The following PPM1H variants were observed in gnomAD, a reference collection of about 807,000 sequenced individuals.
The protein encoded by PPM1H is protein phosphatase, Mg2+/Mn2+ dependent 1H.
PPM1H carries 27 observed loss-of-function variants against 54.9 expected under a neutral mutation model. That is an observed-to-expected ratio of 0.49 (90% CI 0.36 to 0.68). The LOEUF is 0.68. Ranked by LOEUF, PPM1H falls within the 30% of genes least tolerant of loss-of-function variation. The probability of loss-of-function intolerance (pLI) is 0.00; values close to 1 mark genes in which losing one functional copy is unlikely to be tolerated. For synonymous variants in PPM1H, 305 were observed against 270.8 expected (o/e 1.13, Z -1.24); for missense variants, 596 against 667.8 (o/e 0.89, Z 1.19).
In PPM1H at chr12:62,826,456, GA is replaced by G. The variant is rs1433774439; in HGVS notation, c.411+5657del. 3.9e-5 allele frequency among the ~76,000 whole-genome samples: 6 copies of G among 152,216 alleles called. No individual in the cohort carries two copies. The East Asian group carries it at 9.7e-4, about 25-fold the overall frequency. ...AGAGTGAGACTTCATCTCAAAAAAA[GA>G]AGTCATCTCGTTGCTACCCGGCTAC... On this transcript the variant is annotated intron_variant, in intron 2 of 9. Transcript: ENST00000228705.
chr12:62,731,766 C>T lies in PPM1H; in HGVS notation c.954+5736G>A, dbSNP rs139116270. On this transcript the variant is annotated intron_variant, in intron 5 of 9. Transcript: ENST00000228705. ...ATTTGAAGATATGATGACACCGGCA[C>T]GACTTAATGTAATCAAGTCAGAGTT... Among the ~76,000 whole-genome samples, 550 of 152,258 alleles carry T rather than the reference C, an allele frequency of 3.6e-3. 8 individuals are homozygous for T. The highest frequency in any genetic ancestry group is 0.017 in the East Asian group (87 of 5,168).
In PPM1H at chr12:62,934,637, C is replaced by T. The variant is rs776388056; in HGVS notation, c.100G>A (p.Asp34Asn). ...CCGTAGGGGAAACGCAGGGGCAGGT[C>T]CGAGCCTCCGCAGCTGCCGCCGCCG... ...EHGGGSCGGS[D>N]LPLRFPYGRP... Residue 34 changes from aspartate to asparagine, a missense_variant, in exon 1 of 10, where the codon GAC (aspartate) becomes AAC (asparagine). Physicochemically the swap from Asp to Asn is conservative, Grantham distance 23 (BLOSUM62 1). This residue lies in a region of PPM1H where 382 missense variants were observed against 387.1 expected (regional missense o/e 0.99). Coordinates refer to ENST00000228705, the MANE Select transcript of PPM1H (RefSeq NM_020700.2). The surrounding 1 kb of genome is among the most constrained non-coding windows in gnomAD (Gnocchi z 4.2). 4 of 1,592,840 alleles carry T rather than the reference C, an allele frequency of 2.5e-6. 1 individual carries two copies.
At chr12:62,739,130 T>G (rs1247993854) in intron 4 of PPM1H, among the ~76,000 whole-genome samples, 1 of 151,776 alleles carries the variant, frequency 6.6e-6, no homozygotes, top group African/African-American at 2.4e-5. Context: ...TTAGGGGAAC[T>G]GACTGTGAGA....
Position 62,737,505 on chromosome 12 carries a change from G to A in PPM1H, c.951C>T (p.Tyr317=), listed in dbSNP as rs2076357210. ...GCCAAGCCTAGATGACTCTTACCAG[G>A]TACTGAAGTCGCTGGCGCTCCGTCT... ...TPETERQRLQ[Y]LAFMQPHLLG... is the part of the protein sequence containing the mutation. The change falls in exon 5 of 10, where the codon TAC becomes TAT. Residue 317 remains tyrosine, a synonymous_variant. Transcript: ENST00000228705. 6.4e-7 allele frequency: 1 copy of A among 1,563,682 alleles called. No individual in the cohort carries two copies. Among genetic ancestry groups the A allele is most frequent in the South Asian group, 1.2e-5 (1 of 85,204 alleles).
chr12:62,691,302 T>C (rs1351322955), intron 7 of PPM1H, among the ~76,000 whole-genome samples: 1 of 152,252 alleles, frequency 6.6e-6, no homozygotes, highest in Non-Finnish European at 1.5e-5. Context: ...GCTTGAATCC[T>C]CACTCTATTA....
At chr12:62,699,883 C>A (rs1023007998) in intron 6 of PPM1H, among the ~76,000 whole-genome samples, 1 of 152,184 alleles carries the variant, frequency 6.6e-6, no homozygotes, top group African/African-American at 2.4e-5. Context: ...ATTGAGCCTG[C>A]CTTATTGAAC....
intron 8 of PPM1H, among the ~76,000 whole-genome samples, chr12:62,680,580 C>A (rs1214102037): frequency 6.6e-6 from 1 of 152,124 alleles, no homozygotes; most frequent in Non-Finnish European, 1.5e-5. Context: ...GTAGTGCTGC[C>A]TCAGCTAAAC....
intron 8 of PPM1H, among the ~76,000 whole-genome samples, chr12:62,687,377 C>T (rs757179788): frequency 4.6e-5 from 7 of 152,196 alleles, no homozygotes; most frequent in Non-Finnish European, 8.8e-5. Flanking sequence ...AAGCAATCCT[C>T]TCACCTCAGC....
At position 62,825,592 on chromosome 12, in the gene PPM1H, A is replaced by G. The variant is rs557570538; in HGVS notation, c.411+6522T>C. Among the ~76,000 whole-genome samples the G allele has an allele frequency of 3.3e-5, 5 of 152,290 alleles. 1 individual carries two copies. Among genetic ancestry groups the G allele is most frequent in the African/African-American group, 1.2e-4 (5 of 41,562 alleles). On this transcript the variant is annotated intron_variant, in intron 2 of 9. Transcript: ENST00000228705. ...GTTCATGTCCTTTGCAGGGACATGG[A>G]TGAAACTGGAAACCATCATTCTGAG...
At chr12:62,729,229 A>C (rs975370494) in intron 5 of PPM1H, among the ~76,000 whole-genome samples, 1 of 152,182 alleles carries the variant, frequency 6.6e-6, no homozygotes, top group African/African-American at 2.4e-5. Context: ...TCACACACTG[A>C]AGAGGATCAG....
intron 3 of PPM1H, 60 bp downstream of exon 3, chr12:62,801,756 G>A (rs1469942856): frequency 6.4e-7 from 1 of 1,572,534 alleles, no homozygotes; most frequent in African/African-American, 1.4e-5. Context: ...AGGAAGGACG[G>A]ACAGACCTGG....
chr12:62,827,198 G>A (rs572656875), intron 2 of PPM1H, among the ~76,000 whole-genome samples: 1 of 152,032 alleles, frequency 6.6e-6, no homozygotes, highest in Non-Finnish European at 1.5e-5. Context: ...TACTCAAAAC[G>A]CAAGTCATCA....
chr12:62,679,175 T>C (rs1350434121), intron 8 of PPM1H, among the ~76,000 whole-genome samples: 1 of 151,206 alleles, frequency 6.6e-6, no homozygotes, highest in African/African-American at 2.4e-5. Context: ...TTAGTAAAGA[T>C]GGGGTTTCAC....
chr12:62,713,580 T>C (rs1419307865), intron 6 of PPM1H, among the ~76,000 whole-genome samples: 2 of 152,126 alleles, frequency 1.3e-5, no homozygotes, highest in Admixed American at 6.5e-5. Flanking sequence ...AGCCCACCCC[T>C]CTGCTGACTC....
intron 1 of PPM1H, among the ~76,000 whole-genome samples, chr12:62,926,912 C>T (rs1871986930): frequency 6.6e-6 from 1 of 152,172 alleles, no homozygotes; most frequent in Non-Finnish European, 1.5e-5. Flanking sequence ...CAAGATTGTG[C>T]CATTGCACTC....
At chr12:62,700,712 CAGTG>C (rs1458088437) in intron 6 of PPM1H, among the ~76,000 whole-genome samples, 1 of 152,166 alleles carries the variant, frequency 6.6e-6, no homozygotes, top group Admixed American at 6.5e-5. Context: ...AGGTGGATGG[CAGTG>C]AGAGTGTTGA....
intron 4 of PPM1H, among the ~76,000 whole-genome samples, chr12:62,738,956 G>A (rs1387196208): frequency 6.6e-6 from 1 of 150,886 alleles, no homozygotes; most frequent in Admixed American, 6.6e-5. Context: ...CCTAGTTGCT[G>A]CTGTCATAGA....
At chr12:62,896,333 T>G (rs538964084) in intron 1 of PPM1H, among the ~76,000 whole-genome samples, 2 of 151,910 alleles carry the variant, frequency 1.3e-5, no homozygotes, top group East Asian at 3.9e-4. Context: ...TGGGAGAAAA[T>G]TTTTGCAATC....
rs967000124 is a variant in PPM1H at position 62,915,996 on chromosome 12, T to A, written c.245+18496A>T. Among the ~76,000 whole-genome samples, 10 of 152,230 alleles carry A rather than the reference T, an allele frequency of 6.6e-5. No homozygotes were observed. The South Asian group carries it at 2.1e-3, about 32-fold the overall frequency. On this transcript the variant is annotated intron_variant, in intron 1 of 9. Coordinates refer to ENST00000228705, the MANE Select transcript of PPM1H (RefSeq NM_020700.2). ...AGTCAGCTTTGCTCACCCCTTCCCA[T>A]TTTCTCCAAACTTAGAATTAACCAG...
Sources: allele counts gnomAD v4.1 joint callset (sites outside exome capture counted in the v4.1 genomes callset), GRCh38; gene constraint gnomAD v4.1.1; regional missense constraint gnomAD v4.1.1; non-coding constraint Gnocchi (gnomAD v3.1); transcripts MANE v1.5; gene names NCBI Gene and HGNC (gene_info 2026-07-23, HGNC 2026-07-21).